Variants in ERICH6B observed in about 807,000 individuals in gnomAD.
ERICH6B encodes glutamate rich 6B, also known as glutamate-rich protein 6B.
ERICH6B carries 69 observed loss-of-function variants against 80.0 expected under a neutral mutation model. That is an observed-to-expected ratio of 0.86 (90% CI 0.71 to 1.05). The LOEUF is 1.05. Among genes scored for constraint, ERICH6B ranks in the 50% least tolerant of loss-of-function variants. The pLI, the probability that ERICH6B is intolerant of heterozygous loss-of-function variation, is 0.00. For missense variants in ERICH6B, 754 were observed against 796.1 expected (o/e 0.95, Z 0.64); for synonymous variants, 283 against 291.9 (o/e 0.97, Z 0.31).
At chr13:45,561,672 A>G in intron 10 of ERICH6B, 146 bp from the exon 11 acceptor site, 1 of 823,912 alleles carries the variant, frequency 1.2e-6, no homozygotes, top group Non-Finnish European at 1.9e-6. Context: ...GCTGTCGGGT[A>G]GTGGGAAGAT....
At chr13:45,599,671 G>T (rs1018933214) in intron 2 of ERICH6B, among the ~76,000 whole-genome samples, 6 of 152,126 alleles carry the variant, frequency 3.9e-5, no homozygotes, top group African/African-American at 1.2e-4. Flanking sequence ...GTGCTGTTTT[G>T]GGATCTGTTT....
intron 2 of ERICH6B, among the ~76,000 whole-genome samples, chr13:45,599,437 T>A (rs1401858893): frequency 1.3e-5 from 2 of 152,174 alleles, no homozygotes. Context: ...TCATGATTCA[T>A]GAATAGAACC....
At chr13:45,565,854 C>A (rs189156526) in intron 9 of ERICH6B, among the ~76,000 whole-genome samples, 1 of 152,104 alleles carries the variant, frequency 6.6e-6, no homozygotes, top group Admixed American at 6.5e-5. Flanking sequence ...CCTGAAAATG[C>A]GGAAGTGACT....
chr13:45,556,285 G>A (rs116853664), intron 11 of ERICH6B, among the ~76,000 whole-genome samples: 105 of 152,156 alleles, frequency 6.9e-4, no homozygotes, highest in African/African-American at 1.8e-3. Context: ...CTAGGGCACC[G>A]TAGGTTCTCC....
intron 1 of ERICH6B, among the ~76,000 whole-genome samples, chr13:45,615,170 C>G (rs1423719445): frequency 6.6e-6 from 1 of 152,198 alleles, no homozygotes; most frequent in Non-Finnish European, 1.5e-5. Flanking sequence ...GTTAGGACTG[C>G]TGTTTACCCC....
At chr13:45,560,839 T>C (rs549081889) in intron 11 of ERICH6B, among the ~76,000 whole-genome samples, 155 of 152,360 alleles carry the variant, frequency 1.0e-3, no homozygotes, top group Non-Finnish European at 1.9e-3. Context: ...GAATGTACCA[T>C]AGCTTATTTA....
intron 3 of ERICH6B, among the ~76,000 whole-genome samples, chr13:45,594,607 A>T (rs954751360): frequency 6.6e-6 from 1 of 152,204 alleles, no homozygotes; most frequent in African/African-American, 2.4e-5. Context: ...CCAATGCAAC[A>T]ACTAAATTTC....
At chr13:45,568,188 G>A (rs1015722167) in intron 9 of ERICH6B, 127 bp downstream of exon 9, 1 of 1,069,416 alleles carries the variant, frequency 9.4e-7, no homozygotes, top group South Asian at 2.1e-5. Context: ...CCTGCTCCTT[G>A]ACTCAGGGAA....
chr13:45,590,213 G>A (rs1229930970), intron 4 of ERICH6B, among the ~76,000 whole-genome samples: 1 of 151,464 alleles, frequency 6.6e-6, no homozygotes, highest in East Asian at 1.9e-4. Context: ...TGTGTGCCAA[G>A]TCCTGTCACA....
chr13:45,579,580 G>A (rs940556287), intron 7 of ERICH6B, among the ~76,000 whole-genome samples: 5 of 152,158 alleles, frequency 3.3e-5, no homozygotes, highest in African/African-American at 1.2e-4. Context: ...AGATGGCATA[G>A]GACCCTGAGT....
intron 3 of ERICH6B, among the ~76,000 whole-genome samples, chr13:45,592,376 T>C (rs148808084): frequency 1.3e-5 from 2 of 152,318 alleles, no homozygotes; most frequent in African/African-American, 4.8e-5. Context: ...CATGAAAAGT[T>C]GGCTGGCTTT....
chr13:45,607,163 G>T (rs1403432546), intron 2 of ERICH6B, among the ~76,000 whole-genome samples: 1 of 152,124 alleles, frequency 6.6e-6, no homozygotes, highest in Non-Finnish European at 1.5e-5. Context: ...CTTCCATTTA[G>T]GTTGGATTTT....
intron 7 of ERICH6B, among the ~76,000 whole-genome samples, chr13:45,578,451 A>G (rs1875516492): frequency 6.6e-6 from 1 of 152,240 alleles, no homozygotes; most frequent in Non-Finnish European, 1.5e-5. Flanking sequence ...TGCTTTAACA[A>G]ATGTTAATGA....
At chr13:45,588,919 G>A (rs1876041681) in intron 4 of ERICH6B, among the ~76,000 whole-genome samples, 1 of 152,122 alleles carries the variant, frequency 6.6e-6, no homozygotes, top group Non-Finnish European at 1.5e-5. Flanking sequence ...CTCGAGGCCT[G>A]CTTCTGTAGT....
chr13:45,576,613 T>C (rs1459451647), intron 7 of ERICH6B, among the ~76,000 whole-genome samples: 1 of 152,226 alleles, frequency 6.6e-6, no homozygotes, highest in East Asian at 1.9e-4. Flanking sequence ...GAAGGTGCTC[T>C]GAGCCTGCCT....
intron 4 of ERICH6B, among the ~76,000 whole-genome samples, chr13:45,588,964 A>G (rs1467973211): frequency 6.6e-6 from 1 of 152,076 alleles, no homozygotes; most frequent in African/African-American, 2.4e-5. Flanking sequence ...ATGTGCCTGG[A>G]GGACCTTCGG....
chr13:45,569,174 G>A (rs1221229808), intron 8 of ERICH6B, among the ~76,000 whole-genome samples: 1 of 152,124 alleles, frequency 6.6e-6, no homozygotes, highest in Admixed American at 6.6e-5. Flanking sequence ...TGCCCAGGCT[G>A]GAGTGCAGTG....
chr13:45,587,877 G>A (rs1479473566), intron 4 of ERICH6B, among the ~76,000 whole-genome samples: 3 of 152,202 alleles, frequency 2.0e-5, no homozygotes, highest in African/African-American at 4.8e-5. Context: ...TCCTTGGGGT[G>A]TCTTGGCCCT....
At chr13:45,597,386 T>C (rs1876443410) in intron 2 of ERICH6B, among the ~76,000 whole-genome samples, 1 of 152,218 alleles carries the variant, frequency 6.6e-6, no homozygotes, top group Admixed American at 6.5e-5. Context: ...TAAGTATTTA[T>C]TACCACAATA....
Sources: allele counts gnomAD v4.1 joint callset (sites outside exome capture counted in the v4.1 genomes callset), GRCh38; gene constraint gnomAD v4.1.1; transcripts MANE v1.5; gene names NCBI Gene and HGNC (gene_info 2026-07-23, HGNC 2026-07-21).